PIP5K1B: variants seen among roughly 807,000 people sequenced by gnomAD.
The protein encoded by PIP5K1B is phosphatidylinositol 4-phosphate 5-kinase type-1 beta.
Under a neutral mutation model 67.0 loss-of-function variants are expected in PIP5K1B, and 42 were observed. The ratio of observed to expected loss-of-function variants is 0.63; its 90% CI spans 0.49 to 0.81. The LOEUF (loss-of-function observed/expected upper bound fraction) is 0.81. Ranked by LOEUF, PIP5K1B falls within the 30% of genes least tolerant of loss-of-function variation. PIP5K1B has a pLI of 0.00. For missense variants in PIP5K1B, 459 were observed against 646.3 expected (o/e 0.71, Z 3.14); for synonymous variants, 214 against 231.4 (o/e 0.92, Z 0.68).
At chr9:68,916,362 C>T in intron 8 of PIP5K1B, among the ~76,000 whole-genome samples, 1 of 152,190 alleles carries the variant, frequency 6.6e-6, no homozygotes. Context: ...CACCTATACC[C>T]TGAAGCCATC....
At chr9:68,812,331 A>G (rs889860229) in intron 2 of PIP5K1B, among the ~76,000 whole-genome samples, 5 of 152,250 alleles carry the variant, frequency 3.3e-5, no homozygotes, top group Non-Finnish European at 7.3e-5. Context: ...GTGAAAACAT[A>G]GAACTATAGA....
intron 6 of PIP5K1B, among the ~76,000 whole-genome samples, chr9:68,884,987 T>C (rs12376037): frequency 6.6e-6 from 1 of 152,144 alleles, no homozygotes; most frequent in Non-Finnish European, 1.5e-5. Context: ...GAAATCAGTA[T>C]GGCGAAGAGA....
intron 13 of PIP5K1B, among the ~76,000 whole-genome samples, chr9:68,937,860 C>T (rs1827346683): frequency 6.6e-6 from 1 of 152,154 alleles, no homozygotes; most frequent in South Asian, 2.1e-4. Context: ...TTGTTATTTA[C>T]CCGGTAGTCA....
At chr9:68,897,665 G>C (rs541949871) in intron 8 of PIP5K1B, among the ~76,000 whole-genome samples, 1 of 152,300 alleles carries the variant, frequency 6.6e-6, no homozygotes, top group South Asian at 2.1e-4. Flanking sequence ...ACCCTTTCTG[G>C]TGGTGCCAGG....
chr9:68,834,229 T>G (rs1238464410), intron 4 of PIP5K1B, among the ~76,000 whole-genome samples: 1 of 152,214 alleles, frequency 6.6e-6, no homozygotes, highest in African/African-American at 2.4e-5. Context: ...GCCATTATCT[T>G]GGACACGCAC....
intron 1 of PIP5K1B, among the ~76,000 whole-genome samples, chr9:68,711,573 A>G (rs1035936485): frequency 6.6e-6 from 1 of 152,216 alleles, no homozygotes; most frequent in African/African-American, 2.4e-5. Context: ...AAATCTTGGG[A>G]TGTTCCATAA....
intron 4 of PIP5K1B, among the ~76,000 whole-genome samples, chr9:68,857,691 C>A (rs1822847860): frequency 6.6e-6 from 1 of 152,004 alleles, no homozygotes; most frequent in Non-Finnish European, 1.5e-5. Flanking sequence ...TAAAATGAGA[C>A]CCTATCCCAA....
intron 2 of PIP5K1B, chr9:68,779,938 G>C (rs1469355547): frequency 4.1e-6 from 2 of 493,226 alleles, no homozygotes; most frequent in African/African-American, 2.0e-5. Context: ...CTAGCGGCCC[G>C]ACCACTCCTC....
chr9:68,895,786 A>C (rs556701704), intron 8 of PIP5K1B, among the ~76,000 whole-genome samples: 3 of 152,166 alleles, frequency 2.0e-5, no homozygotes, highest in Non-Finnish European at 2.9e-5. Context: ...GGTTAGTCTA[A>C]GGTTTTTTTA....
chr9:68,835,925 G>A (rs561165267), intron 4 of PIP5K1B, among the ~76,000 whole-genome samples: 1 of 149,842 alleles, frequency 6.7e-6, no homozygotes, highest in Non-Finnish European at 1.5e-5. Flanking sequence ...GTCTGATTTA[G>A]TTTGAGGAAG....
intron 4 of PIP5K1B, among the ~76,000 whole-genome samples, chr9:68,860,435 C>T (rs1226135560): frequency 6.6e-6 from 1 of 152,110 alleles, no homozygotes; most frequent in Non-Finnish European, 1.5e-5. Context: ...GGTGTTTGTA[C>T]AGCTTTACCA....
chr9:68,959,468 C>T (rs2132733635), intron 14 of PIP5K1B, among the ~76,000 whole-genome samples: 1 of 152,236 alleles, frequency 6.6e-6, no homozygotes, highest in Admixed American at 6.5e-5. Context: ...CTATTTCCTC[C>T]TCACCAAAGG....
At chr9:68,785,898 A>C (rs1040898344) in intron 2 of PIP5K1B, among the ~76,000 whole-genome samples, 2 of 152,198 alleles carry the variant, frequency 1.3e-5, no homozygotes, top group Non-Finnish European at 2.9e-5. Flanking sequence ...CCTTTTATGA[A>C]GCGATTGTTT....
chr9:68,987,655 C>T (rs563300226), intron 14 of PIP5K1B, among the ~76,000 whole-genome samples: 20 of 152,078 alleles, frequency 1.3e-4, no homozygotes, highest in Admixed American at 1.1e-3. Flanking sequence ...AAGACATACC[C>T]GAGACTGGGA....
intron 4 of PIP5K1B, among the ~76,000 whole-genome samples, chr9:68,843,791 T>A (rs376042788): frequency 6.6e-6 from 1 of 152,200 alleles, no homozygotes; most frequent in South Asian, 2.1e-4. Context: ...AGGTTTCTTT[T>A]ACAAGCCAAC....
intron 1 of PIP5K1B, among the ~76,000 whole-genome samples, chr9:68,722,393 CG>C (rs1473024867): frequency 6.6e-6 from 1 of 151,630 alleles, no homozygotes; most frequent in Non-Finnish European, 1.5e-5. Flanking sequence ...TTAGTAGAGT[CG>C]GGGTTTCATC....
At chr9:68,744,944 C>A (rs147836589) in intron 2 of PIP5K1B, among the ~76,000 whole-genome samples, 8 of 152,268 alleles carry the variant, frequency 5.3e-5, no homozygotes, top group African/African-American at 7.2e-5. Flanking sequence ...TTGGGAAGAC[C>A]CTAATATATA....
intron 2 of PIP5K1B, chr9:68,783,267 A>G (rs183039683): frequency 3.5e-4 from 58 of 167,038 alleles, no homozygotes; most frequent in Admixed American, 2.5e-3. Flanking sequence ...TCTCTGTTCC[A>G]GTATACATCT....
At chr9:68,957,663 G>T (rs1255689692) in intron 14 of PIP5K1B, among the ~76,000 whole-genome samples, 2 of 152,148 alleles carry the variant, frequency 1.3e-5, no homozygotes, top group Non-Finnish European at 2.9e-5. Context: ...AACTTAGCAA[G>T]GCTTCTTTGT....
Sources: allele counts gnomAD v4.1 joint callset (sites outside exome capture counted in the v4.1 genomes callset), GRCh38; gene constraint gnomAD v4.1.1; transcripts MANE v1.5; gene names NCBI Gene and HGNC (gene_info 2026-07-23, HGNC 2026-07-21).